Variants in SOX13 observed in about 807,000 individuals in gnomAD.
SOX13 encodes the protein transcription factor SOX-13.
Under a neutral mutation model 71.8 loss-of-function variants are expected in SOX13, and 28 were observed. That is an observed-to-expected ratio of 0.39 (90% CI 0.29 to 0.53). The LOEUF is 0.53. Among genes scored for constraint, SOX13 ranks in the 20% least tolerant of loss-of-function variants. The pLI is 0.70. For missense variants in SOX13, 627 were observed against 810.3 expected (o/e 0.77, Z 2.75); for synonymous variants, 309 against 317.8 (o/e 0.97, Z 0.29).
chr1:204,086,592 C>T (rs557472179), intron 1 of SOX13, among the ~76,000 whole-genome samples: 39 of 152,288 alleles, frequency 2.6e-4, no homozygotes, highest in African/African-American at 9.4e-4. Context: ...TGAGCCACTG[C>T]ACCTGGCCTG....
intron 12 of SOX13, among the ~76,000 whole-genome samples, chr1:204,124,065 T>G (rs1258368408): frequency 6.6e-6 from 1 of 152,182 alleles, no homozygotes; most frequent in Non-Finnish European, 1.5e-5. Flanking sequence ...ACTCCTGATC[T>G]AAACCTAACC....
At chr1:204,095,848 T>C (rs776356795) in intron 1 of SOX13, among the ~76,000 whole-genome samples, 1 of 152,208 alleles carries the variant, frequency 6.6e-6, no homozygotes, top group Non-Finnish European at 1.5e-5. Flanking sequence ...ACTCCAGCCC[T>C]GTAACTCTAT....
chr1:204,110,362 C>A (rs925077985), intron 1 of SOX13, among the ~76,000 whole-genome samples: 2 of 148,524 alleles, frequency 1.3e-5, no homozygotes, highest in African/African-American at 2.5e-5. Flanking sequence ...CATAGCAAGA[C>A]CCTGTCTCTA....
At chr1:204,114,170 AG>A (rs1656642147) in intron 2 of SOX13, 150 bp from the exon 3 acceptor site, 3 of 574,370 alleles carry the variant, frequency 5.2e-6, no homozygotes, top group African/African-American at 1.9e-5. Flanking sequence ...AAGCTTGGGC[AG>A]GTGGAGGCCA....
rs1443274232 is a variant in SOX13 at position 204,092,016 on chromosome 1, CCTT to C, written c.-2+18311_-2+18313del. On this transcript the variant is annotated intron_variant, in intron 1 of 13. Transcript: ENST00000367204. ...TCTTCTTTTTTCTTTCCTTCGCTTTCCTTCTTCTGTCTCTTTCACTTTTTTTCT... is the reference window on the plus strand; with the variant it reads ...TCTTCTTTTTTCTTTCCTTCGCTTTCCTTCTGTCTCTTTCACTTTTTTTCT... 5.3e-5 allele frequency among the ~76,000 whole-genome samples: 8 copies of C among 151,956 alleles called. No homozygotes were observed. In the South Asian group the frequency reaches 8.3e-4, roughly 16 times the overall value.
At chr1:204,120,018 G>A (rs921576598) in intron 7 of SOX13, among the ~76,000 whole-genome samples, 3 of 152,084 alleles carry the variant, frequency 2.0e-5, no homozygotes, top group African/African-American at 4.8e-5. Context: ...AGGCCCTGTC[G>A]CAAAACAGAC....
At position 204,109,506 on chromosome 1, in the gene SOX13, G is replaced by GATAACA. The variant is rs1244276956; in HGVS notation, c.-1-3409_-1-3408insATAACA. 1.8e-4 allele frequency among the ~76,000 whole-genome samples: 28 copies of GATAACA among 152,282 alleles called. No individual in the cohort carries two copies. The East Asian group carries it at 5.2e-3, about 28-fold the overall frequency. ...GTACAATAACATGCTGTACAGGTTT[G>GATAACA]TAGCCTAGGAGAAATAGGCTATACC... is the stretch of plus-strand genomic sequence containing the variant. On this transcript the variant is annotated intron_variant, in intron 1 of 13. Transcript: ENST00000367204.
chr1:204,091,303 C>T (rs934762449), intron 1 of SOX13, among the ~76,000 whole-genome samples: 5 of 152,138 alleles, frequency 3.3e-5, no homozygotes, highest in African/African-American at 1.2e-4. Context: ...GGGACCCAAA[C>T]GAATCAGTGT....
chr1:204,077,686 A>G (rs1655811116), intron 1 of SOX13, among the ~76,000 whole-genome samples: 1 of 152,232 alleles, frequency 6.6e-6, no homozygotes, highest in African/African-American at 2.4e-5. Flanking sequence ...AGGATGCATC[A>G]GAATATTTAC....
At chr1:204,083,072 C>T (rs1362560162) in intron 1 of SOX13, among the ~76,000 whole-genome samples, 1 of 152,188 alleles carries the variant, frequency 6.6e-6, no homozygotes, top group Admixed American at 6.5e-5. Context: ...TGGCACCCTC[C>T]ATTTGGGGCT....
At chr1:204,092,508 C>G (rs1656168802) in intron 1 of SOX13, among the ~76,000 whole-genome samples, 1 of 152,116 alleles carries the variant, frequency 6.6e-6, no homozygotes, top group South Asian at 2.1e-4. Context: ...CCCTAGTTTT[C>G]TCACCTACAA....
At chr1:204,124,972 T>C in intron 13 of SOX13, 115 bp downstream of exon 13, 1 of 747,850 alleles carries the variant, frequency 1.3e-6, no homozygotes, top group Non-Finnish European at 2.3e-6. Flanking sequence ...GGGTGCTGTG[T>C]GTATGCGTAC....
chr1:204,109,799 CTTGT>C (rs1307129501), intron 1 of SOX13, among the ~76,000 whole-genome samples: 1 of 151,922 alleles, frequency 6.6e-6, no homozygotes, highest in Non-Finnish European at 1.5e-5. Context: ...TCCCGTATAC[CTTGT>C]TTTTTATTTA....
intron 1 of SOX13, among the ~76,000 whole-genome samples, chr1:204,084,814 G>A (rs997120447): frequency 1.3e-5 from 2 of 152,144 alleles, no homozygotes; most frequent in Admixed American, 1.3e-4. Flanking sequence ...TGAGACAGAG[G>A]TGAGACTAGA....
intron 1 of SOX13, among the ~76,000 whole-genome samples, chr1:204,090,965 G>GACACTCCAAATCCCAATT (rs1656129153): frequency 6.6e-6 from 1 of 152,142 alleles, no homozygotes; most frequent in African/African-American, 2.4e-5. Context: ...AGGTTAGAAG[G>GACACTCCAAATCCCAATT]AACCTTGGAC....
rs745771635 is a variant in SOX13 at position 204,125,858 on chromosome 1, C to A, written c.1593C>A (p.Pro531=). The A allele has an allele frequency of 1.7e-5, 27 of 1,608,150 alleles. No homozygotes were observed. The highest frequency in any genetic ancestry group is 2.1e-5 in the Non-Finnish European group (25 of 1,178,414). Residue 531 remains proline, a splice_region_variant and synonymous_variant, in exon 14 of 14, where the codon CCC becomes CCA. Transcript: ENST00000367204. ...ACCGTTCCCCTTCTCTGCCCCACAG[C>A]CCGCAGGCTGGCCAGGTGCAGATGA... The part of the protein sequence containing the change: ...RQDARQSYVI[P]PQAGQVQMSS...
At chr1:204,108,087 T>C (rs1238758543) in intron 1 of SOX13, among the ~76,000 whole-genome samples, 1 of 152,152 alleles carries the variant, frequency 6.6e-6, no homozygotes, top group East Asian at 1.9e-4. Flanking sequence ...GGTGTCCTAG[T>C]GCAGCGCTGT....
At chr1:204,088,504 C>T (rs1350884638) in intron 1 of SOX13, among the ~76,000 whole-genome samples, 1 of 152,166 alleles carries the variant, frequency 6.6e-6, no homozygotes, top group Non-Finnish European at 1.5e-5. Flanking sequence ...TAATCTATCC[C>T]CAGGCACATT....
chr1:204,100,423 G>T (rs1571577846), intron 1 of SOX13, among the ~76,000 whole-genome samples: 1 of 152,164 alleles, frequency 6.6e-6, no homozygotes, highest in East Asian at 1.9e-4. Context: ...TTTCCAAAGG[G>T]TGCTGGTGAT....
Sources: allele counts gnomAD v4.1 joint callset (sites outside exome capture counted in the v4.1 genomes callset), GRCh38; gene constraint gnomAD v4.1.1; transcripts MANE v1.5; gene names NCBI Gene and HGNC (gene_info 2026-07-23, HGNC 2026-07-21).